Variants in ERICH6B observed in about 807,000 individuals in gnomAD.
ERICH6B encodes the protein glutamate rich 6B.
A neutral mutation model predicts 80.0 loss-of-function variants in ERICH6B; 69 were observed. That is an observed-to-expected ratio of 0.86 (90% CI 0.71 to 1.05). The LOEUF (loss-of-function observed/expected upper bound fraction) is 1.05, where lower values mean the gene tolerates loss of function less well. ERICH6B is among the 50% of genes least tolerant of loss of function. The probability of loss-of-function intolerance (pLI) is 0.00; values close to 1 mark genes in which losing one functional copy is unlikely to be tolerated. For synonymous variants in ERICH6B, 283 were observed against 291.9 expected (o/e 0.97, Z 0.31); for missense variants, 754 against 796.1 (o/e 0.95, Z 0.64).
chr13:45,604,202 C>T (rs139535348), intron 2 of ERICH6B, among the ~76,000 whole-genome samples: 57 of 152,314 alleles, frequency 3.7e-4, no homozygotes, highest in African/African-American at 1.3e-3. Context: ...TTTGGAGCAC[C>T]CACTCCAAAA....
intron 14 of ERICH6B, 96 bp from the exon 15 acceptor site, chr13:45,541,776 T>G: frequency 9.3e-7 from 1 of 1,077,418 alleles, no homozygotes. Flanking sequence ...GACCAAGCGT[T>G]CCCTGAGCCT....
In ERICH6B at chr13:45,544,742, G is replaced by A. The variant is rs1593769805; in HGVS notation, c.1872+18C>T. 14 of 1,548,700 alleles carry A rather than the reference G, an allele frequency of 9.0e-6. 1 individual carries two copies. The highest frequency in any genetic ancestry group is 1.7e-4 in the Middle Eastern group (1 of 5,860). ...GGGCACCCCACCTGGTGGAGGGTAT[G>A]GGGAGTTGTGACCTTACCTTGTACC... On this transcript the variant is annotated intron_variant, in intron 14 of 14. Coordinates refer to ENST00000298738, the MANE Select transcript of ERICH6B (RefSeq NM_182542.3).
At chr13:45,585,048 C>T (rs192346141) in intron 5 of ERICH6B, among the ~76,000 whole-genome samples, 4 of 152,318 alleles carry the variant, frequency 2.6e-5, no homozygotes, top group African/African-American at 7.2e-5. Flanking sequence ...CTGTGTTTTA[C>T]ACCAAGCAAG....
At chr13:45,578,353 C>T (rs975156865) in intron 7 of ERICH6B, among the ~76,000 whole-genome samples, 11 of 152,180 alleles carry the variant, frequency 7.2e-5, no homozygotes, top group African/African-American at 2.7e-4. Context: ...GACTTGAGCC[C>T]AAGCTCTTTC....
At chr13:45,571,868 A>G (rs183355093) in intron 8 of ERICH6B, among the ~76,000 whole-genome samples, 1 of 152,300 alleles carries the variant, frequency 6.6e-6, no homozygotes, top group East Asian at 1.9e-4. Context: ...TCTGCAAGTC[A>G]TGGAGAGATA....
At chr13:45,547,676 G>A (rs1459061739) in intron 13 of ERICH6B, among the ~76,000 whole-genome samples, 1 of 152,158 alleles carries the variant, frequency 6.6e-6, no homozygotes, top group African/African-American at 2.4e-5. Context: ...CTTTCCTATA[G>A]GAAGACCCTA....
At chr13:45,574,812 G>GA (rs1875315592) in intron 8 of ERICH6B, 30 bp downstream of exon 8, 3 of 1,504,398 alleles carry the variant, frequency 2.0e-6, no homozygotes, top group Admixed American at 3.9e-5. Flanking sequence ...GGAAGCTGGG[G>GA]GGGGGGTCTC....
At position 45,599,445 on chromosome 13, in the gene ERICH6B, A is replaced by G. The variant is rs74363589; in HGVS notation, c.-58-2382T>C. On this transcript the variant is annotated intron_variant, in intron 2 of 14. Coordinates refer to ENST00000298738, the MANE Select transcript of ERICH6B (RefSeq NM_182542.3). ...TTTTTATTCATGATTCATGAATAGA[A>G]CCATTCTACAAACAGAATGAGAGCT... 6.7e-3 allele frequency among the ~76,000 whole-genome samples: 1,013 copies of G among 152,320 alleles called. 7 individuals are homozygous for G. The highest frequency in any genetic ancestry group is 9.6e-3 in the Non-Finnish European group (655 of 68,032).
intron 14 of ERICH6B, 127 bp from the exon 15 acceptor site, chr13:45,541,807 G>T: frequency 1.2e-6 from 1 of 831,896 alleles, no homozygotes; most frequent in Non-Finnish European, 1.9e-6. Flanking sequence ...AAGCACATCT[G>T]TGTTCTCAGC....
At chr13:45,612,410 T>A (rs549648899) in intron 1 of ERICH6B, among the ~76,000 whole-genome samples, 60 of 152,312 alleles carry the variant, frequency 3.9e-4, no homozygotes, top group African/African-American at 1.4e-3. Flanking sequence ...AGTATGATTA[T>A]GTAATGAATG....
At position 45,550,159 on chromosome 13, in the gene ERICH6B, C is replaced by T. The variant is rs1874159392; in HGVS notation, c.1493+72G>A. ...CCCACACCTCAGTCAAACCCCTTAC[C>T]CCATAAAAAATCGTAGACATTTTAG... is the stretch of plus-strand genomic sequence containing the variant. On this transcript the variant is annotated intron_variant, in intron 12 of 14. Transcript: ENST00000298738. 12 of 1,532,846 alleles carry T rather than the reference C, an allele frequency of 7.8e-6. No individual in the cohort carries two copies. The South Asian group carries it at 1.5e-4, about 19-fold the overall frequency. The allele number at this position is 1,532,846 out of a possible 1,614,324, so 95.0% of individuals were successfully genotyped here. A position where few individuals can be genotyped will look rare whatever the true frequency, so the allele number is the denominator to read the frequency against.
intron 8 of ERICH6B, among the ~76,000 whole-genome samples, chr13:45,573,408 C>T (rs1166401310): frequency 1.3e-5 from 2 of 152,142 alleles, no homozygotes; most frequent in Admixed American, 6.5e-5. Context: ...ACATAAATAG[C>T]AGTATACAGC....
intron 7 of ERICH6B, among the ~76,000 whole-genome samples, chr13:45,579,501 C>T (rs1875565457): frequency 6.6e-6 from 1 of 152,014 alleles, no homozygotes; most frequent in Admixed American, 6.6e-5. Context: ...TTCAACCAGC[C>T]CCCTCTTAAT....
In ERICH6B at chr13:45,545,710, C is replaced by T. The variant is rs145459030; in HGVS notation, c.1647-725G>A. 8.4e-3 allele frequency among the ~76,000 whole-genome samples: 1,283 copies of T among 152,340 alleles called. 9 individuals are homozygous for T. The highest frequency in any genetic ancestry group is 0.014 in the Non-Finnish European group (951 of 68,036). ...GAGCTGGGATTCAAACCCTGTCCCA[C>T]CAGCCCCAGAGCTGCAGCTTCTTGC... On this transcript the variant is annotated intron_variant, in intron 13 of 14. Coordinates refer to ENST00000298738, the MANE Select transcript of ERICH6B (RefSeq NM_182542.3).
intron 11 of ERICH6B, among the ~76,000 whole-genome samples, chr13:45,559,988 G>A (rs1428060746): frequency 6.6e-6 from 1 of 152,014 alleles, no homozygotes; most frequent in Non-Finnish European, 1.5e-5. Context: ...GCTGTCAGTG[G>A]AGTATTGTGT....
At chr13:45,588,708 CT>C (rs899261630) in intron 4 of ERICH6B, among the ~76,000 whole-genome samples, 4 of 152,248 alleles carry the variant, frequency 2.6e-5, no homozygotes, top group Non-Finnish European at 4.4e-5. Context: ...CTATCATGTA[CT>C]TTTCCCCCCA....
Position 45,550,282 on chromosome 13 carries a change from G to T in ERICH6B, c.1442C>A (p.Pro481His), listed in dbSNP as rs1377298229. 6.4e-7 allele frequency: 1 copy of T among 1,551,588 alleles called. No individual in the cohort carries two copies. The highest frequency in any genetic ancestry group is 1.2e-5 in the South Asian group (1 of 84,024). The change falls in exon 12 of 15, where the codon CCC becomes CAC. Residue 481 changes from proline to histidine, a missense_variant. Pro to His is a moderately conservative substitution (Grantham distance 77). Transcript: ENST00000298738. ...GAGAATTTGATAGACATTCTTGTTG[G>T]GGTAGAGAATTAATTTTCCATCACC... is the stretch of plus-strand genomic sequence containing the variant. The part of the protein sequence containing the change: ...HQGDGKLILY[P>H]NKNVYQILFP...
At chr13:45,554,399 A>G (rs1874349147) in intron 11 of ERICH6B, among the ~76,000 whole-genome samples, 1 of 152,088 alleles carries the variant, frequency 6.6e-6, no homozygotes, top group Non-Finnish European at 1.5e-5. Flanking sequence ...AGTGCTTTGT[A>G]TTTTACCCAC....
At chr13:45,565,062 C>T (rs1361656120) in intron 9 of ERICH6B, among the ~76,000 whole-genome samples, 8 of 152,072 alleles carry the variant, frequency 5.3e-5, no homozygotes. Context: ...GCCTTTGATA[C>T]TGTCTAAATG....
Sources: gnomAD v4.1 joint callset for allele counts (sites outside exome capture counted in the v4.1 genomes callset) on GRCh38, gnomAD v4.1.1 for gene constraint, MANE v1.5 for transcripts, NCBI Gene and HGNC (gene_info 2026-07-23, HGNC 2026-07-21) for gene names.